The following NME9 variants were observed in gnomAD, a reference collection of about 807,000 sequenced individuals.
The protein encoded by NME9 is thioredoxin domain-containing protein 6.
Under a neutral mutation model 44.4 loss-of-function variants are expected in NME9, and 48 were observed. The ratio of observed to expected loss-of-function variants is 1.08; its 90% CI spans 0.86 to 1.37. The LOEUF is 1.37. NME9 is among the 40% of genes most tolerant of loss of function. The pLI, the probability that NME9 is intolerant of heterozygous loss-of-function variation, is 0.00. For missense variants in NME9, 325 were observed against 405.2 expected (o/e 0.80, Z 1.70); for synonymous variants, 139 against 147.1 (o/e 0.94, Z 0.40).
At position 138,318,149 on chromosome 3, in the gene NME9, G is replaced by A; in HGVS notation, c.266C>T (p.Ala89Val). ...TTCTGATTCTGAAAATGTACTTACT[G>A]CATAAAACAGAAAGGTTGGCTCGCA... ...GKCEPTFLFY[A>V]GGELVAVVRG... Residue 89 changes from alanine to valine, a missense_variant and splice_region_variant, in exon 4 of 11, where the codon GCA becomes GTA. By Grantham distance (64) the Ala-to-Val change is moderately conservative. Coordinates refer to ENST00000333911, the MANE Select transcript of NME9 (RefSeq NM_001349018.2). 1 of 1,580,850 alleles carries A rather than the reference G, an allele frequency of 6.3e-7. No individual in the cohort carries two copies.
At chr3:138,268,197 C>T (rs1016194091) in intron 8 of NME9, among the ~76,000 whole-genome samples, 1 of 152,012 alleles carries the variant, frequency 6.6e-6, no homozygotes, top group Admixed American at 6.6e-5. Context: ...GAGCTGAGAT[C>T]GCGCCACTGC....
intron 6 of NME9, 84 bp from the exon 7 acceptor site, chr3:138,306,564 A>G: frequency 1.3e-6 from 1 of 775,004 alleles, no homozygotes; most frequent in Admixed American, 2.2e-5. Context: ...ACCTCTACAC[A>G]AGGCTCCATT....
At chr3:138,321,750 G>C (rs1424160129) in intron 2 of NME9, among the ~76,000 whole-genome samples, 1 of 151,862 alleles carries the variant, frequency 6.6e-6, no homozygotes, top group Non-Finnish European at 1.5e-5. Flanking sequence ...AGAGGGGATA[G>C]AATGAAAAGA....
At chr3:138,271,963 A>G (rs1328849912) in intron 8 of NME9, among the ~76,000 whole-genome samples, 1 of 152,032 alleles carries the variant, frequency 6.6e-6, no homozygotes, top group Non-Finnish European at 1.5e-5. Flanking sequence ...ACCTGGCTAT[A>G]CAAGAGATTT....
At chr3:138,306,243 A>T (rs2052250888) in intron 7 of NME9, 147 bp from the exon 8 acceptor site, 3 of 835,530 alleles carry the variant, frequency 3.6e-6, no homozygotes, top group Non-Finnish European at 4.0e-6. Flanking sequence ...TCCCAATCAG[A>T]TTTAACATTT....
rs766883890 is a variant in NME9 at position 138,272,936 on chromosome 3, A to G, written c.746-10350T>C. ...ATAATTTAATAAAGTAAATGTAGAC[A>G]TGATTCTTGCAACTTCTTTAATCCT... On this transcript the variant is annotated intron_variant, in intron 8 of 8. Transcript: ENST00000317876. 7.5e-6 allele frequency: 11 copies of G among 1,474,672 alleles called. 1 individual carries two copies. In the South Asian group the frequency reaches 1.2e-4, roughly 16 times the overall value. The allele number at this position is 1,474,672 out of a possible 1,614,324, so 91.3% of individuals were successfully genotyped here.
At chr3:138,324,485 T>C (rs1263341459) in intron 2 of NME9, 1 of 462,688 alleles carries the variant, frequency 2.2e-6, no homozygotes, top group Admixed American at 2.3e-5. Flanking sequence ...GCCTGCTGTT[T>C]CCTAATGACT....
chr3:138,307,112 A>G (rs2052330264), intron 6 of NME9, among the ~76,000 whole-genome samples: 1 of 152,206 alleles, frequency 6.6e-6, no homozygotes, highest in Admixed American at 6.5e-5. Context: ...TTGCAGTTTC[A>G]GTAGTCTGTC....
intron 1 of NME9, among the ~76,000 whole-genome samples, chr3:138,328,973 C>T (rs1012354234): frequency 6.6e-6 from 1 of 152,146 alleles, no homozygotes; most frequent in Non-Finnish European, 1.5e-5. Context: ...AAATAACGGT[C>T]ACATCGAGTT....
intron 8 of NME9, among the ~76,000 whole-genome samples, chr3:138,289,671 G>GGGGT (rs1272403250): frequency 1.3e-5 from 2 of 152,100 alleles, no homozygotes; most frequent in African/African-American, 4.8e-5. Flanking sequence ...AGAATCTCTC[G>GGGGT]GGGTGGGCTC....
intron 8 of NME9, among the ~76,000 whole-genome samples, chr3:138,264,895 T>C (rs2048124536): frequency 1.5e-5 from 2 of 130,106 alleles, no homozygotes; most frequent in South Asian, 4.5e-4. Flanking sequence ...AATCCCTGGA[T>C]TTTTTTTTTT....
chr3:138,263,331 G>C (rs537060660), intron 8 of NME9, among the ~76,000 whole-genome samples: 3 of 152,346 alleles, frequency 2.0e-5, no homozygotes, highest in East Asian at 3.9e-4. Flanking sequence ...CCTAAGCCCA[G>C]ATTTCATTTT....
chr3:138,269,011 A>G lies in NME9; in HGVS notation c.746-6425T>C, dbSNP rs1337632841. 3.3e-5 allele frequency among the ~76,000 whole-genome samples: 5 copies of G among 152,330 alleles called. No homozygotes were observed. The East Asian group carries it at 9.6e-4, about 29-fold the overall frequency. On this transcript the variant is annotated intron_variant, in intron 8 of 8. Transcript: ENST00000317876. The stretch of plus-strand genomic sequence containing the variant: ...TTGAAATATTAAGCGTAAAAGGGGC[A>G]TGATGTACGCATCCTACTTTCACAT...
chr3:138,267,694 A>T lies in NME9; in HGVS notation c.746-5108T>A, dbSNP rs1452082063. Among the ~76,000 whole-genome samples, 21 of 152,256 alleles carry T rather than the reference A, an allele frequency of 1.4e-4. 1 individual carries two copies. The South Asian group carries it at 3.7e-3, about 27-fold the overall frequency. ...TGGTAGTTGTTTGGGGAGGGGTTGG[A>T]TGGGGGTTCCCTTCTGCATTTTATA... On this transcript the variant is annotated intron_variant, in intron 8 of 8. Coordinates refer to the NME9 transcript ENST00000317876.
intron 8 of NME9, among the ~76,000 whole-genome samples, chr3:138,305,742 C>G (rs2052205162): frequency 1.3e-5 from 2 of 152,222 alleles, no homozygotes; most frequent in Admixed American, 1.3e-4. Flanking sequence ...ATTAAACTCT[C>G]CCTTCAATTC....
intron 8 of NME9, chr3:138,263,862 A>G (rs971734640): frequency 2.2e-5 from 34 of 1,560,896 alleles, no homozygotes; most frequent in Non-Finnish European, 2.6e-5. Context: ...CTTTTGCCAT[A>G]TATTTAACCT....
chr3:138,262,424 T>C (rs1198011493), exon 9 of NME9: 2 of 1,211,838 alleles, frequency 1.7e-6, no homozygotes, highest in African/African-American at 3.0e-5. Flanking sequence ...ATAGATGATA[T>C]TTTCCCTGAT....
chr3:138,298,014 A>C (rs758691302), downstream of NME9: 14 of 152,264 alleles, frequency 9.2e-5, no homozygotes, highest in Non-Finnish European at 2.1e-4. Context: ...TGGTCAAATT[A>C]AAAATGCTTT....
At chr3:138,310,836 G>T (rs112103657) in intron 6 of NME9, among the ~76,000 whole-genome samples, 2 of 152,140 alleles carry the variant, frequency 1.3e-5, no homozygotes, top group African/African-American at 2.4e-5. Context: ...TCAAATAACC[G>T]AATGGATGCA....
Sources: allele counts gnomAD v4.1 joint callset (sites outside exome capture counted in the v4.1 genomes callset), GRCh38; gene constraint gnomAD v4.1.1; transcripts MANE v1.5; gene names NCBI Gene and HGNC (gene_info 2026-07-23, HGNC 2026-07-21).